The following FRAS1 variants were observed in gnomAD, a reference collection of about 807,000 sequenced individuals.
FRAS1 encodes extracellular matrix organizing protein FRAS1.
FRAS1 carries 290 observed loss-of-function variants against 435.2 expected under a neutral mutation model. That is an observed-to-expected ratio of 0.67 (90% CI 0.61 to 0.73). FRAS1 has a LOEUF of 0.73. Ranked by LOEUF, FRAS1 falls within the 30% of genes least tolerant of loss-of-function variation. The pLI, the probability that FRAS1 is intolerant of heterozygous loss-of-function variation, is 0.00. For missense variants in FRAS1, 4,860 were observed against 5,001.5 expected (o/e 0.97, Z 0.85); for synonymous variants, 1,800 against 1,851.0 (o/e 0.97, Z 0.71).
At chr4:78,386,456 A>C (rs1560696898) in intron 28 of FRAS1, among the ~76,000 whole-genome samples, 1 of 152,130 alleles carries the variant, frequency 6.6e-6, no homozygotes, top group Admixed American at 6.6e-5. Context: ...CTAATTTCCC[A>C]CTATGTAACT....
chr4:78,093,013 T>C (rs1369470242), intron 2 of FRAS1, among the ~76,000 whole-genome samples: 1 of 152,228 alleles, frequency 6.6e-6, no homozygotes, highest in East Asian at 1.9e-4. Context: ...TTCCTTTTTG[T>C]GTAGCTGGGT....
At chr4:78,192,067 A>G (rs539260492) in intron 2 of FRAS1, among the ~76,000 whole-genome samples, 22 of 152,252 alleles carry the variant, frequency 1.4e-4, no homozygotes, top group Non-Finnish European at 2.8e-4. Flanking sequence ...GGTTCTGTTT[A>G]TATGCTGGAT....
At chr4:78,148,032 A>G (rs944882723) in intron 2 of FRAS1, among the ~76,000 whole-genome samples, 1 of 152,160 alleles carries the variant, frequency 6.6e-6, no homozygotes, top group Non-Finnish European at 1.5e-5. Flanking sequence ...TGTTGTCTGG[A>G]ATAGTATGTG....
At chr4:78,142,564 G>T (rs1358196874) in intron 2 of FRAS1, among the ~76,000 whole-genome samples, 1 of 152,140 alleles carries the variant, frequency 6.6e-6, no homozygotes, top group Non-Finnish European at 1.5e-5. Context: ...AAATAACTAT[G>T]ATTAATATGT....
At position 78,481,964 on chromosome 4, in the gene FRAS1, G is replaced by C. The variant is rs766607034; in HGVS notation, c.8604G>C (p.Gln2868His). The C allele has an allele frequency of 6.2e-7, 1 of 1,613,464 alleles. No individual in the cohort carries two copies. Among genetic ancestry groups the C allele is most frequent in the South Asian group, 1.1e-5 (1 of 90,932 alleles). The change falls in exon 57 of 74, where the codon CAG (glutamine) becomes CAC (histidine). Residue 2868 changes from glutamine to histidine, a missense_variant and splice_region_variant. Transcript: ENST00000512123. ...KVEFGPGVIE[Q>H]YCTLTILDDT... ...AATTTGGGCCTGGTGTCATTGAACA[G>C]GTGCGTTTACAGCAGTCGAGACTCC...
rs1289589153 is a variant in FRAS1, at chr4:78,452,165, A to G, written c.6584-10A>G. The G allele has an allele frequency of 2.5e-6, 4 of 1,612,526 alleles. No homozygotes were observed. In the East Asian group the frequency reaches 6.7e-5, roughly 27 times the overall value. On this transcript the variant is annotated splice_polypyrimidine_tract_variant and intron_variant, in intron 46 of 73. Coordinates refer to ENST00000512123, the MANE Select transcript of FRAS1 (RefSeq NM_025074.7). ...ATCCCATTTCAAATCACTATTTCTG[A>G]TATTTTCAGAAGACAAATCCCCACC...
chr4:78,493,169 G>T (rs1720414421), intron 59 of FRAS1, among the ~76,000 whole-genome samples: 1 of 152,192 alleles, frequency 6.6e-6, no homozygotes. Context: ...TTCTGGAGAG[G>T]ATGTGGAGAA....
chr4:78,225,586 A>C (rs1316083782), intron 2 of FRAS1, among the ~76,000 whole-genome samples: 1 of 152,184 alleles, frequency 6.6e-6, no homozygotes, highest in African/African-American at 2.4e-5. Flanking sequence ...TTTCCAGCTC[A>C]AGAGCAGATG....
rs554379699 is a variant in FRAS1 at position 78,469,661 on chromosome 4, C to T, written c.7258-317C>T. Among the ~76,000 whole-genome samples the T allele has an allele frequency of 3.5e-4, 53 of 151,676 alleles. No individual in the cohort carries two copies. In the South Asian group the frequency reaches 1.0e-2, roughly 29 times the overall value. ...TTTTTTTTTCATCCCAAGGCAGTAT[C>T]GAACTCAACTAAAGAAGACATAGGT... On this transcript the variant is annotated intron_variant, in intron 50 of 73. Transcript: ENST00000512123.
At chr4:78,086,539 AAAG>A (rs1380237790) in intron 2 of FRAS1, among the ~76,000 whole-genome samples, 2 of 152,186 alleles carry the variant, frequency 1.3e-5, no homozygotes, top group African/African-American at 4.8e-5. Flanking sequence ...CAAGACTAAT[AAAG>A]AAGAAAAGAG....
intron 2 of FRAS1, chr4:78,182,072 C>T: frequency 1.3e-6 from 2 of 1,502,118 alleles, no homozygotes; most frequent in Non-Finnish European, 1.8e-6. Context: ...GCGGGTTCCT[C>T]TACGGATTGC....
At chr4:78,308,760 A>G (rs958828484) in intron 15 of FRAS1, among the ~76,000 whole-genome samples, 8 of 152,196 alleles carry the variant, frequency 5.3e-5, no homozygotes, top group Admixed American at 2.6e-4. Context: ...TATAAATATT[A>G]ACCCACTGAG....
At chr4:78,217,954 C>CCCCTCT (rs1221339327) in intron 2 of FRAS1, among the ~76,000 whole-genome samples, 3,864 of 3,946 alleles carry the variant, frequency 0.98, 1,905 homozygotes, top group Non-Finnish European at 0.99. Flanking sequence ...CCTTCCCCTC[C>CCCCTCT]CCTCTCTTCC....
intron 20 of FRAS1, among the ~76,000 whole-genome samples, chr4:78,345,105 G>C (rs1041724504): frequency 6.6e-6 from 1 of 152,118 alleles, no homozygotes; most frequent in African/African-American, 2.4e-5. Context: ...GCAGGAGATA[G>C]TTTTACTTGT....
At chr4:78,478,343 A>G (rs143134172) in intron 55 of FRAS1, among the ~76,000 whole-genome samples, 1 of 152,358 alleles carries the variant, frequency 6.6e-6, no homozygotes, top group African/African-American at 2.4e-5. Context: ...TTCATGAATC[A>G]GTATTCTTAA....
rs558180890 is a variant in FRAS1 at position 78,348,001 on chromosome 4, G to C, written c.2422+10184G>C. On this transcript the variant is annotated intron_variant, in intron 20 of 73. Coordinates refer to ENST00000512123, the MANE Select transcript of FRAS1 (RefSeq NM_025074.7). Reference sequence around the variant, plus strand: ...AGATAGGGGAGGAGCCAAGATGGCCGAATAGGAACAGCTCCGGTCTACAGC... The same window carrying C: ...AGATAGGGGAGGAGCCAAGATGGCCCAATAGGAACAGCTCCGGTCTACAGC... Among the ~76,000 whole-genome samples, 4 of 7,162 alleles carry C rather than the reference G, an allele frequency of 5.6e-4. 2 individuals carry two copies. In the African/African-American group the frequency reaches 0.017, roughly 30 times the overall value. The allele number at this position is 7,162 out of a possible 152,430, so 4.7% of individuals were successfully genotyped here.
At chr4:78,297,368 G>T (rs1728185956) in intron 14 of FRAS1, among the ~76,000 whole-genome samples, 1 of 152,180 alleles carries the variant, frequency 6.6e-6, no homozygotes, top group Non-Finnish European at 1.5e-5. Context: ...GGTCTGGGAA[G>T]GCTTTGTGGA....
In FRAS1 at chr4:78,384,187, A is replaced by T. The variant is rs1732131337; in HGVS notation, c.3648+44A>T. The T allele has an allele frequency of 3.1e-6, 4 of 1,275,146 alleles. No individual in the cohort carries two copies. In the African/African-American group the frequency reaches 6.1e-5, roughly 19 times the overall value. The allele number at this position is 1,275,146 out of a possible 1,614,324, so 79.0% of individuals were successfully genotyped here. On this transcript the variant is annotated intron_variant, in intron 28 of 73. Coordinates refer to ENST00000512123, the MANE Select transcript of FRAS1 (RefSeq NM_025074.7). ...TAATTAATAATTTTACATGACTACT[A>T]GTTCTCAAGCACGAAATCTAGGTTT...
At chr4:78,437,308 C>T (rs1031922522) in intron 38 of FRAS1, among the ~76,000 whole-genome samples, 21 of 152,188 alleles carry the variant, frequency 1.4e-4, no homozygotes, top group Admixed American at 1.2e-3. Flanking sequence ...CACCTTAAAA[C>T]TCTCAGCTGT....
Sources: allele counts gnomAD v4.1 joint callset (sites outside exome capture counted in the v4.1 genomes callset), GRCh38; gene constraint gnomAD v4.1.1; transcripts MANE v1.5; gene names NCBI Gene and HGNC (gene_info 2026-07-23, HGNC 2026-07-21).